Variants in C22orf23 observed in about 807,000 individuals in gnomAD.
The protein encoded by C22orf23 is chromosome 22 open reading frame 23.
A neutral mutation model predicts 29.7 loss-of-function variants in C22orf23; 30 were observed. The ratio of observed to expected loss-of-function variants is 1.01; its 90% CI spans 0.76 to 1.37. C22orf23 has a LOEUF of 1.37. Ranked by LOEUF, C22orf23 falls within the 40% of genes most tolerant of loss-of-function variation. C22orf23 has a pLI of 0.00. For synonymous variants in C22orf23, 90 were observed against 96.1 expected, an observed-to-expected ratio of 0.94 and a Z score of 0.37; for missense variants, 237 against 273.1, an observed-to-expected ratio of 0.87 and a Z score of 0.93.
Position 37,947,502 on chromosome 22 carries a change from C to CT in C22orf23, c.167-40dup, listed in dbSNP as rs11359710. ...AGTTGGGGTGGGAGGACCCACATGG[C>CT]TTTTTTTTTTTTTTTTTTTTTTTTT... On this transcript the variant is annotated intron_variant, in intron 3 of 6. Coordinates refer to ENST00000403305, the MANE Select transcript of C22orf23 (RefSeq NM_032561.5). The CT allele has an allele frequency of 5.5e-3, 1,761 of 320,518 alleles. 3 individuals are homozygous for CT. The highest frequency in any genetic ancestry group is 6.9e-3 in the Middle Eastern group (6 of 866). The allele number at this position is 320,518 out of a possible 1,614,324, so 19.9% of individuals were successfully genotyped here. A position where few individuals can be genotyped will look rare whatever the true frequency, so the allele number is the denominator to read the frequency against.
At chr22:37,944,911 T>G in intron 5 of C22orf23, 131 bp downstream of exon 5, 1 of 939,874 alleles carries the variant, frequency 1.1e-6, no homozygotes, top group Non-Finnish European at 1.6e-6. Context: ...AATAAATAAA[T>G]AAATAAATAA....
At chr22:37,953,338 C>G in intron 1 of C22orf23, 110 bp downstream of exon 1, 1 of 588,640 alleles carries the variant, frequency 1.7e-6, no homozygotes, top group Non-Finnish European at 3.0e-6. Context: ...ACACACAGTC[C>G]TCATTCTGAC....
intron 5 of C22orf23, chr22:37,944,765 G>A (rs954270464): frequency 1.1e-4 from 61 of 565,828 alleles, no homozygotes; most frequent in South Asian, 8.0e-4. Context: ...CAGGCATGGT[G>A]GCGGGCGCTG....
chr22:37,951,495 T>C lies in C22orf23; in HGVS notation c.131A>G (p.Asn44Ser). ...RVMMKESKLT[N>S]IQQRHIMDIM... Reference sequence around the variant, plus strand: ...GTCCATGATGTGGCGCTGCTGGATGTTCGTCAGTTTGGATTCCTTCATCAT... The same window carrying C: ...GTCCATGATGTGGCGCTGCTGGATGCTCGTCAGTTTGGATTCCTTCATCAT... Residue 44 changes from asparagine to serine, a missense_variant, in exon 3 of 7, where the codon AAC (asparagine) becomes AGC (serine). By Grantham distance (46) the Asn-to-Ser change is conservative. Coordinates refer to ENST00000403305, the MANE Select transcript of C22orf23 (RefSeq NM_032561.5). 1 of 1,614,072 alleles carries C rather than the reference T, an allele frequency of 6.2e-7. No individual in the cohort carries two copies. The highest frequency in any genetic ancestry group is 8.5e-7 in the Non-Finnish European group (1 of 1,179,996).
At chr22:37,950,174 A>G (rs559783491) in intron 3 of C22orf23, among the ~76,000 whole-genome samples, 2 of 150,598 alleles carry the variant, frequency 1.3e-5, no homozygotes, top group Non-Finnish European at 3.0e-5. Context: ...GTGCAGTGGT[A>G]TGGTCTCGGC....
chr22:37,953,510 A>G lies in C22orf23; in HGVS notation c.-72T>C. On this transcript the variant is annotated 5_prime_UTR_variant, in exon 1 of 7. Coordinates refer to ENST00000403305, the MANE Select transcript of C22orf23 (RefSeq NM_032561.5). ...AAGTGGGCTCCCGGAGGCGGTGACCACTGCTTTACAGCCGCATCCGCACCG... is the reference window on the plus strand; with the variant it reads ...AAGTGGGCTCCCGGAGGCGGTGACCGCTGCTTTACAGCCGCATCCGCACCG... 1.8e-6 allele frequency: 1 copy of G among 554,648 alleles called. No homozygotes were observed. The highest frequency in any genetic ancestry group is 3.1e-5 in the East Asian group (1 of 32,200). The allele number at this position is 554,648 out of a possible 1,614,324, so 34.4% of individuals were successfully genotyped here.
At chr22:37,948,421 G>T (rs547429671) in intron 3 of C22orf23, among the ~76,000 whole-genome samples, 1 of 152,040 alleles carries the variant, frequency 6.6e-6, no homozygotes, top group South Asian at 2.1e-4. Context: ...CTGCATTCCA[G>T]CCTGGGTGAC....
At position 37,947,396 on chromosome 22, in the gene C22orf23, T is replaced by A. The variant is rs1378180998; in HGVS notation, c.234A>T (p.Ile78=). 2 of 1,613,418 alleles carry A rather than the reference T, an allele frequency of 1.2e-6. No homozygotes were observed. The highest frequency in any genetic ancestry group is 2.2e-5 in the South Asian group (2 of 91,048). ...SSQRVLPSKQ[I]ASPIYLPPIL... ...TGGGAGGCAGGTAGATGGGCGAGGC[T>A]ATTTGCTTGGAAGGTAAGACTCTCT... The change falls in exon 4 of 7, where the codon ATA becomes ATT. Residue 78 remains isoleucine, a synonymous_variant. Transcript: ENST00000403305.
At chr22:37,945,638 G>A (rs1003903577) in intron 4 of C22orf23, among the ~76,000 whole-genome samples, 8 of 150,596 alleles carry the variant, frequency 5.3e-5, no homozygotes, top group African/African-American at 1.9e-4. Context: ...ACAGGTGGAC[G>A]TCATCGTGCC....
intron 3 of C22orf23, among the ~76,000 whole-genome samples, chr22:37,948,768 C>G (rs572003543): frequency 1.3e-5 from 2 of 152,252 alleles, no homozygotes; most frequent in African/African-American, 4.8e-5. Flanking sequence ...CTTATACAAA[C>G]ATGTTCAAAG....
At chr22:37,948,302 TAGCC>T (rs986195831) in intron 3 of C22orf23, among the ~76,000 whole-genome samples, 12 of 151,840 alleles carry the variant, frequency 7.9e-5, no homozygotes, top group African/African-American at 2.7e-4. Context: ...CAAAAAAAAT[TAGCC>T]AGGCATTATG....
In C22orf23 at chr22:37,947,331, C is replaced by T. The variant is rs1569156289; in HGVS notation, c.299G>A (p.Cys100Tyr). The change falls in exon 4 of 7, where the codon TGT (cysteine) becomes TAT (tyrosine). Residue 100 changes from cysteine to tyrosine, a missense_variant. Coordinates refer to ENST00000403305, the MANE Select transcript of C22orf23 (RefSeq NM_032561.5). ...CCGGCTGTAGGCCCCATTGGCTTGA[C>T]ACATGTTGGCAGGCCGGAGGTGGGG... ...ARPHLRPANM[C>Y]QANGAYSREQ... is the part of the protein sequence containing the mutation. 1 of 1,613,884 alleles carries T rather than the reference C, an allele frequency of 6.2e-7. No homozygotes were observed. Among genetic ancestry groups the T allele is most frequent in the Non-Finnish European group, 8.5e-7 (1 of 1,179,998 alleles).
intron 2 of C22orf23, chr22:37,952,779 G>T: frequency 2.6e-6 from 1 of 377,960 alleles, no homozygotes; most frequent in South Asian, 3.0e-5. Context: ...AGCAGGAGGT[G>T]AGCGGCAGGC....
Position 37,947,360 on chromosome 22 carries a change from G to A in C22orf23, c.270C>T (p.Ala90=), listed in dbSNP as rs1307453394. The A allele has an allele frequency of 1.9e-6, 3 of 1,613,840 alleles. No homozygotes were observed. The highest frequency in any genetic ancestry group is 3.3e-5 in the Admixed American group (2 of 59,978). ...SPIYLPPILA[A]RPHLRPANMC... is the part of the protein sequence containing the mutation. ...TGTTGGCAGGCCGGAGGTGGGGACG[G>A]GCTGCGAGGATGGGAGGCAGGTAGA... is the stretch of plus-strand genomic sequence containing the variant. Residue 90 remains alanine, a synonymous_variant, in exon 4 of 7, where the codon GCC becomes GCT. Transcript: ENST00000403305.
chr22:37,951,223 AG>A (rs1369978126), intron 3 of C22orf23: 1 of 397,386 alleles, frequency 2.5e-6, no homozygotes, highest in African/African-American at 2.1e-5. Flanking sequence ...AAAAAAAAAA[AG>A]GTTTTGTGGA....
chr22:37,944,089 G>T lies in C22orf23; in HGVS notation c.*86C>A. On this transcript the variant is annotated 3_prime_UTR_variant, in exon 7 of 7. Transcript: ENST00000403305. ...TGACGTGGCAGAAGGCTGGTAGGATGGGCTGGCCTGAGGATGGCCCTGCCT... is the reference window on the plus strand; with the variant it reads ...TGACGTGGCAGAAGGCTGGTAGGATTGGCTGGCCTGAGGATGGCCCTGCCT... 8.0e-7 allele frequency: 1 copy of T among 1,250,826 alleles called. No individual in the cohort carries two copies. Among genetic ancestry groups the T allele is most frequent in the South Asian group, 1.2e-5 (1 of 83,612 alleles). 77.5% of individuals were successfully genotyped at this position (1,250,826 alleles called of 1,614,324 possible). A position where few individuals can be genotyped will look rare whatever the true frequency, so the allele number is the denominator to read the frequency against.
chr22:37,953,001 G>A, intron 2 of C22orf23, 46 bp downstream of exon 2: 1 of 1,437,634 alleles, frequency 7.0e-7, no homozygotes, highest in Non-Finnish European at 9.7e-7. Context: ...CACGAAACCG[G>A]TCCCTGGTGC....
rs1930705395 is a variant in C22orf23, at chr22:37,946,426, A to T, written c.349+855T>A. On this transcript the variant is annotated intron_variant, in intron 4 of 6. Transcript: ENST00000403305. ...GGGTGACAGCGCGAGACTCCGTCTC[A>T]AAAAAAGCTGGGTGTGGGGAACACC... Among the ~76,000 whole-genome samples the T allele has an allele frequency of 2.6e-5, 4 of 151,958 alleles. No individual in the cohort carries two copies. The South Asian group carries it at 8.3e-4, about 32-fold the overall frequency.
intron 3 of C22orf23, among the ~76,000 whole-genome samples, chr22:37,948,669 G>A (rs1287623004): frequency 1.3e-5 from 2 of 152,176 alleles, no homozygotes; most frequent in Non-Finnish European, 1.5e-5. Context: ...AACAGTACAA[G>A]GAGTCTTCTC....
Sources: allele counts gnomAD v4.1 joint callset (sites outside exome capture counted in the v4.1 genomes callset), GRCh38; gene constraint gnomAD v4.1.1; transcripts MANE v1.5; gene names NCBI Gene and HGNC (gene_info 2026-07-23, HGNC 2026-07-21).